SLC38A6: variants seen among roughly 807,000 people sequenced by gnomAD.
SLC38A6 encodes the protein N system amino acid transporter NAT-1.
SLC38A6 carries 73 observed loss-of-function variants against 65.0 expected under a neutral mutation model. The observed-to-expected ratio is 1.12, with a 90% confidence interval of 0.93 to 1.37. The LOEUF is 1.37. Ranked by LOEUF, SLC38A6 falls within the 40% of genes most tolerant of loss-of-function variation. The pLI, the probability that SLC38A6 is intolerant of heterozygous loss-of-function variation, is 0.00. For missense variants in SLC38A6, 561 were observed against 531.1 expected, an observed-to-expected ratio of 1.06 and a Z score of -0.55; for synonymous variants, 183 against 178.8, an observed-to-expected ratio of 1.02 and a Z score of -0.19.
At position 60,994,195 on chromosome 14, in the gene SLC38A6, A is replaced by C. The variant is rs143509153; in HGVS notation, c.310+9392A>C. ...TGGAAGCAACTAAAATGTTCCTCAG[A>C]AGTGAAAGAATTTTAAAAACTGATA... On this transcript the variant is annotated intron_variant, in intron 3 of 15. Coordinates refer to ENST00000267488, the MANE Select transcript of SLC38A6 (RefSeq NM_153811.3). 2.3e-4 allele frequency among the ~76,000 whole-genome samples: 35 copies of C among 152,366 alleles called. No individual in the cohort carries two copies. The East Asian group carries it at 5.0e-3, about 22-fold the overall frequency.
At chr14:61,065,256 T>C (rs1274323295) in intron 15 of SLC38A6, among the ~76,000 whole-genome samples, 1 of 152,184 alleles carries the variant, frequency 6.6e-6, no homozygotes. Flanking sequence ...GGGTAGCACG[T>C]TACTGGATCA....
rs554059030 is a variant in SLC38A6, at chr14:61,049,930, C to G, written c.926-582C>G. 4.6e-5 allele frequency among the ~76,000 whole-genome samples: 7 copies of G among 152,248 alleles called. No homozygotes were observed. The South Asian group carries it at 1.5e-3, about 32-fold the overall frequency. On this transcript the variant is annotated intron_variant, in intron 12 of 15. Coordinates refer to ENST00000267488, the MANE Select transcript of SLC38A6 (RefSeq NM_153811.3). Reference sequence around the variant, plus strand: ...CTATTGCTGACCACCACACACTGGCCTACTAAGTAAGACATTTCCCTAACA... The same window carrying G: ...CTATTGCTGACCACCACACACTGGCGTACTAAGTAAGACATTTCCCTAACA...
chr14:61,010,298 G>A (rs369315200), intron 3 of SLC38A6, among the ~76,000 whole-genome samples: 456 of 151,636 alleles, frequency 3.0e-3, no homozygotes, highest in East Asian at 0.028. Context: ...AGAAGAGTAG[G>A]TTGCAAAAAT....
chr14:60,995,761 TAAAAC>T (rs970293435), intron 3 of SLC38A6, among the ~76,000 whole-genome samples: 4 of 151,984 alleles, frequency 2.6e-5, no homozygotes, highest in African/African-American at 7.3e-5. Context: ...ATGTATATAA[TAAAAC>T]AAAAAAATCT....
At chr14:61,028,991 A>G (rs2040777441) in intron 5 of SLC38A6, among the ~76,000 whole-genome samples, 2 of 152,168 alleles carry the variant, frequency 1.3e-5, no homozygotes, top group South Asian at 4.2e-4. Flanking sequence ...TTCTTCTTAA[A>G]CTATTTGAGC....
intron 6 of SLC38A6, 26 bp downstream of exon 6, chr14:61,030,549 T>C: frequency 6.8e-7 from 1 of 1,471,236 alleles, no homozygotes; most frequent in Admixed American, 1.8e-5. Context: ...TTACATTGTG[T>C]CCGTTCATGT....
At chr14:61,038,833 C>T (rs2041583332) in intron 8 of SLC38A6, among the ~76,000 whole-genome samples, 1 of 152,080 alleles carries the variant, frequency 6.6e-6, no homozygotes, top group African/African-American at 2.4e-5. Context: ...AAAATCATTC[C>T]TCTTCTTCTC....
chr14:61,030,009 G>A (rs989444279), intron 5 of SLC38A6, among the ~76,000 whole-genome samples: 1 of 152,120 alleles, frequency 6.6e-6, no homozygotes, highest in Non-Finnish European at 1.5e-5. Context: ...TAGTAAGAAG[G>A]AACAGATAAT....
At chr14:61,007,095 T>G (rs950434134) in intron 3 of SLC38A6, among the ~76,000 whole-genome samples, 1 of 152,104 alleles carries the variant, frequency 6.6e-6, no homozygotes, top group Non-Finnish European at 1.5e-5. Flanking sequence ...ACACCACATG[T>G]TCTTACTCAT....
At position 61,052,556 on chromosome 14, in the gene SLC38A6, A is replaced by G. The variant is rs761076894; in HGVS notation, c.*127A>G. On this transcript the variant is annotated 3_prime_UTR_variant, in exon 16 of 16. Transcript: ENST00000267488. ...ATTATTAACAGAAAAGCAGAACAAA[A>G]TGGCAGTGGGTATGGGGAAGTAAGA... is the stretch of plus-strand genomic sequence containing the variant. 17 of 1,346,150 alleles carry G rather than the reference A, an allele frequency of 1.3e-5. No homozygotes were observed. The highest frequency in any genetic ancestry group is 1.5e-5 in the Non-Finnish European group (16 of 1,040,014). 83.4% of individuals were successfully genotyped at this position (1,346,150 alleles called of 1,614,324 possible).
chr14:61,026,398 A>C (rs1443752433), intron 5 of SLC38A6, among the ~76,000 whole-genome samples: 1 of 152,136 alleles, frequency 6.6e-6, no homozygotes, highest in Admixed American at 6.6e-5. Context: ...AAACTCCATG[A>C]ATTTTGAACT....
At chr14:61,062,091 G>A (rs540424611) in intron 15 of SLC38A6, among the ~76,000 whole-genome samples, 14 of 152,192 alleles carry the variant, frequency 9.2e-5, no homozygotes, top group African/African-American at 2.4e-4. Context: ...CATCCGCCTC[G>A]ACCTCCCAAA....
intron 15 of SLC38A6, among the ~76,000 whole-genome samples, chr14:61,078,218 C>T (rs995818003): frequency 6.6e-6 from 1 of 152,176 alleles, no homozygotes; most frequent in Admixed American, 6.6e-5. Context: ...TGGATAAGCT[C>T]ATAGAGGTGG....
At chr14:61,047,655 C>CCATCTATGTATG (rs2042230244) in intron 12 of SLC38A6, among the ~76,000 whole-genome samples, 1 of 152,164 alleles carries the variant, frequency 6.6e-6, no homozygotes, top group African/African-American at 2.4e-5. Context: ...CTCTAGGCAT[C>CCATCTATGTATG]TATCTATGTA....
At chr14:61,009,290 G>C (rs911382526) in intron 3 of SLC38A6, among the ~76,000 whole-genome samples, 15 of 152,130 alleles carry the variant, frequency 9.9e-5, no homozygotes, top group Non-Finnish European at 2.1e-4. Flanking sequence ...GATAGCTAGA[G>C]GGTCATAAAT....
chr14:61,080,891 G>C (rs1223962524), intron 16 of SLC38A6, among the ~76,000 whole-genome samples: 1 of 152,210 alleles, frequency 6.6e-6, no homozygotes, highest in Non-Finnish European at 1.5e-5. Flanking sequence ...ATTTACACAT[G>C]ATGTCACACA....
intron 3 of SLC38A6, among the ~76,000 whole-genome samples, chr14:60,992,997 C>T (rs907382839): frequency 6.6e-5 from 10 of 152,068 alleles, no homozygotes; most frequent in Non-Finnish European, 7.4e-5. Flanking sequence ...CAGGCACCCA[C>T]CACCACATCC....
chr14:61,035,026 G>A (rs1045681648), intron 6 of SLC38A6, among the ~76,000 whole-genome samples: 3 of 152,140 alleles, frequency 2.0e-5, no homozygotes, highest in African/African-American at 7.2e-5. Context: ...ATGGCAGTGG[G>A]AGACTGGTAT....
chr14:61,053,560 CT>C (rs1325444278), downstream of SLC38A6, among the ~76,000 whole-genome samples: 1 of 151,994 alleles, frequency 6.6e-6, no homozygotes, highest in African/African-American at 2.4e-5. Context: ...TATTTTTTGA[CT>C]TTTTATTAAT....
Sources: allele counts gnomAD v4.1 joint callset (sites outside exome capture counted in the v4.1 genomes callset), GRCh38; gene constraint gnomAD v4.1.1; transcripts MANE v1.5; gene names NCBI Gene and HGNC (gene_info 2026-07-23, HGNC 2026-07-21).